Variants in XAGE3 observed in about 807,000 individuals in gnomAD.
XAGE3 encodes X antigen family member 3, also known as CT12.3.
In XAGE3, 6 loss-of-function variants were observed where a neutral mutation model predicts 9.2. The observed-to-expected ratio is 0.65, with a 90% CI of 0.36 to 1.29. The LOEUF is 1.29. Ranked by LOEUF, XAGE3 falls within the 50% of genes most tolerant of loss-of-function variation. The pLI, the probability that XAGE3 is intolerant of heterozygous loss-of-function variation, is 0.03. For synonymous variants in XAGE3, 26 were observed against 28.2 expected (o/e 0.92, Z 0.25); for missense variants, 70 against 82.8 (o/e 0.85, Z 0.60).
At chrX:52,865,590 G>A (rs781936593) in intron 3 of XAGE3, among the ~76,000 whole-genome samples, 5 of 111,920 alleles carry the variant, frequency 4.5e-5, no homozygotes, top group East Asian at 5.6e-4. Context: ...TAATCTTATC[G>A]TACTTCGAGT....
chrX:52,865,251 T>C (rs1296311007), intron 3 of XAGE3, among the ~76,000 whole-genome samples: 2 of 111,970 alleles, frequency 1.8e-5, no homozygotes, highest in Non-Finnish European at 3.8e-5. Flanking sequence ...GGTGAGCCTA[T>C]GACAAATCTT....
intron 2 of XAGE3, 138 bp from the exon 3 acceptor site, chrX:52,866,676 T>C: frequency 1.8e-6 from 1 of 556,721 alleles, no homozygotes; most frequent in Non-Finnish European, 2.8e-6. Flanking sequence ...CCAACACGAT[T>C]CCACATACTT....
At chrX:52,867,632 A>G (rs1927926216) in intron 1 of XAGE3, among the ~76,000 whole-genome samples, 1 of 110,559 alleles carries the variant, frequency 9.0e-6, no homozygotes, top group African/African-American at 3.3e-5. Flanking sequence ...TCAGGGCCAC[A>G]GTCACCAACC....
chrX:52,865,880 A>G (rs1927872212), intron 3 of XAGE3, among the ~76,000 whole-genome samples: 1 of 112,074 alleles, frequency 8.9e-6, no homozygotes, highest in East Asian at 2.8e-4. Flanking sequence ...CACGTTTTCT[A>G]ATGTGAATGG....
At chrX:52,866,404 T>C in intron 3 of XAGE3, 29 bp downstream of exon 3, 2 of 1,194,869 alleles carry the variant, frequency 1.7e-6, no homozygotes, top group Non-Finnish European at 2.3e-6. Flanking sequence ...CCCCTCCCCA[T>C]AGACATTCTT....
chrX:52,866,559 G>T, intron 2 of XAGE3, 21 bp from the exon 3 acceptor site: 2 of 1,160,117 alleles, frequency 1.7e-6, no homozygotes, highest in Middle Eastern at 2.4e-4. Flanking sequence ...GGGTGTGTGT[G>T]TGTGTGTGTG....
At chrX:52,865,272 C>T (rs1465672603) in intron 3 of XAGE3, among the ~76,000 whole-genome samples, 1 of 111,716 alleles carries the variant, frequency 9.0e-6, no homozygotes, top group Non-Finnish European at 1.9e-5. Context: ...ACAGTCCTGA[C>T]ACTCATCACC....
At chrX:52,867,227 A>AT (rs782647888) in intron 1 of XAGE3, 86 bp from the exon 2 acceptor site, 1 of 839,733 alleles carries the variant, frequency 1.2e-6, no homozygotes, top group East Asian at 3.2e-5. Context: ...TTAACTTGTC[A>AT]TTTTTTAAAA....
chrX:52,867,650 T>C (rs1403659524), intron 1 of XAGE3, among the ~76,000 whole-genome samples: 1 of 110,243 alleles, frequency 9.1e-6, no homozygotes, highest in Admixed American at 9.7e-5. Context: ...ACCCGCAGCG[T>C]TCCCAGTTCC....
intron 4 of XAGE3, among the ~76,000 whole-genome samples, chrX:52,863,328 T>C (rs1927804185): frequency 8.9e-6 from 1 of 112,078 alleles, no homozygotes; most frequent in Non-Finnish European, 1.9e-5. Context: ...AATTACATGG[T>C]CACATTTGGT....
chrX:52,862,729 G>T, intron 4 of XAGE3, 89 bp from the exon 5 acceptor site: 3 of 1,105,743 alleles, frequency 2.7e-6, no homozygotes, highest in Non-Finnish European at 3.7e-6. Flanking sequence ...CAAAGTTTTG[G>T]TTTTATACCG....
At chrX:52,864,972 T>C (rs1385992210) in intron 3 of XAGE3, 72 bp from the exon 4 acceptor site, 17 of 1,143,084 alleles carry the variant, frequency 1.5e-5, no homozygotes, top group Non-Finnish European at 2.0e-5. Context: ...TAATATTCTT[T>C]TCCTCAATGT....
Position 52,867,122 on chromosome X carries a change from T to C in XAGE3, c.12A>G (p.Arg4=). The change falls in exon 2 of 5, where the codon CGA becomes CGG. Residue 4 remains arginine, a synonymous_variant. Coordinates refer to ENST00000346279, the MANE Select transcript of XAGE3 (RefSeq NM_133179.3). ...GCCTAGGCCTATATGTTGATCTTCC[T>C]CGCCAAATCATATTTCACACTGCAA... MIW[R]GRSTYRPRPR... The C allele has an allele frequency of 8.3e-7, 1 of 1,207,101 alleles. No individual in the cohort carries two copies. Among genetic ancestry groups the C allele is most frequent in the East Asian group, 3.0e-5 (1 of 33,727 alleles).
At chrX:52,864,951 G>T in intron 3 of XAGE3, 51 bp from the exon 4 acceptor site, 1 of 1,189,364 alleles carries the variant, frequency 8.4e-7, no homozygotes, top group Non-Finnish European at 1.1e-6. Context: ...GAAAGATAAA[G>T]AAGGAAATGA....
chrX:52,865,748 T>C (rs781953362), intron 3 of XAGE3, among the ~76,000 whole-genome samples: 1 of 111,897 alleles, frequency 8.9e-6, no homozygotes, highest in South Asian at 3.7e-4. Context: ...GTGGCTGTCA[T>C]TCATTGAGCT....
At chrX:52,866,995 A>G (rs1361181210) in intron 2 of XAGE3, 58 bp downstream of exon 2, 3 of 1,116,064 alleles carry the variant, frequency 2.7e-6, no homozygotes, top group Non-Finnish European at 3.7e-6. Context: ...TTGCAACAAC[A>G]ACAAGTTACA....
At position 52,866,520 on chromosome X, in the gene XAGE3, G is replaced by C. The variant is rs1334344905; in HGVS notation, c.100C>G (p.Pro34Ala). The C allele has an allele frequency of 8.3e-7, 1 of 1,208,254 alleles. No homozygotes were observed. Among genetic ancestry groups the C allele is most frequent in the African/African-American group, 1.8e-5 (1 of 56,610 alleles). ...TCAGTTGGTGGTTCCTCTTGCTGAG[G>C]CTCCTCATCACCGGGCTCCTGGAAC... ...GPMLEPGDEE[P>A]QQEEPPTESR... is the part of the protein sequence containing the mutation. Residue 34 changes from proline to alanine, a missense_variant, in exon 3 of 5, where the codon CCT becomes GCT. By Grantham distance (27) the Pro-to-Ala change is conservative. Transcript: ENST00000346279.
chrX:52,865,272 C>CA, intron 3 of XAGE3, among the ~76,000 whole-genome samples: 1 of 111,767 alleles, frequency 8.9e-6, no homozygotes, highest in Admixed American at 9.5e-5. Context: ...ACAGTCCTGA[C>CA]ACTCATCACC....
At chrX:52,864,634 G>C in intron 4 of XAGE3, 141 bp downstream of exon 4, 1 of 741,963 alleles carries the variant, frequency 1.3e-6, no homozygotes, top group Non-Finnish European at 2.0e-6. Context: ...AAGTCTTACA[G>C]TCAGGCAATT....
Sources: allele counts gnomAD v4.1 joint callset (sites outside exome capture counted in the v4.1 genomes callset), GRCh38; gene constraint gnomAD v4.1.1; transcripts MANE v1.5; gene names NCBI Gene and HGNC (gene_info 2026-07-23, HGNC 2026-07-21).